Variants in SLMAP observed in about 807,000 individuals in gnomAD.
SLMAP encodes sarcolemma associated protein.
In SLMAP, 44 loss-of-function variants were observed where a neutral mutation model predicts 128.8. That is an observed-to-expected ratio of 0.34 (90% CI 0.27 to 0.44). SLMAP has a LOEUF of 0.44. Ranked by LOEUF, SLMAP falls within the 20% of genes least tolerant of loss-of-function variation. The probability of loss-of-function intolerance (pLI) is 1.00; values close to 1 mark genes in which losing one functional copy is unlikely to be tolerated. For missense variants in SLMAP, 787 were observed against 985.3 expected, an observed-to-expected ratio of 0.80 and a Z score of 2.69; for synonymous variants, 327 against 348.8, an observed-to-expected ratio of 0.94 and a Z score of 0.70.
At chr3:57,891,155 C>T (rs1183573024) in intron 15 of SLMAP, 3 of 151,352 alleles carry the variant, frequency 2.0e-5, no homozygotes, top group African/African-American at 7.3e-5. Flanking sequence ...CATCCAAATA[C>T]CTATTCAGAT....
intron 5 of SLMAP, 62 bp from the exon 6 acceptor site, chr3:57,849,689 AATT>A: frequency 1.2e-6 from 1 of 858,964 alleles, no homozygotes; most frequent in Non-Finnish European, 2.0e-6. Flanking sequence ...CATTTCAAGA[AATT>A]GGTTTGTCTT....
intron 14 of SLMAP, among the ~76,000 whole-genome samples, chr3:57,880,629 T>C (rs1262123251): frequency 1.3e-5 from 2 of 152,110 alleles, no homozygotes; most frequent in Non-Finnish European, 2.9e-5. Context: ...TGTAATCGTA[T>C]TACTTCAAGA....
intron 6 of SLMAP, 97 bp downstream of exon 6, chr3:57,849,913 C>A: frequency 2.7e-6 from 2 of 745,552 alleles, no homozygotes; most frequent in Middle Eastern, 3.6e-4. Flanking sequence ...GTGGCTAATG[C>A]CTGTAATCCC....
At chr3:57,860,956 T>G (rs1205660225) in intron 9 of SLMAP, 117 bp downstream of exon 9, 12 of 834,088 alleles carry the variant, frequency 1.4e-5, no homozygotes, top group Non-Finnish European at 2.1e-5. Flanking sequence ...ACTTTCTGTC[T>G]GTCAGGTGGG....
chr3:57,878,546 G>T (rs923701536), intron 14 of SLMAP, among the ~76,000 whole-genome samples: 5 of 152,140 alleles, frequency 3.3e-5, no homozygotes, highest in African/African-American at 1.2e-4. Context: ...CAGTATGATT[G>T]TGGACAATAC....
At chr3:57,841,977 T>C (rs1257024873) in intron 4 of SLMAP, among the ~76,000 whole-genome samples, 1 of 152,202 alleles carries the variant, frequency 6.6e-6, no homozygotes, top group African/African-American at 2.4e-5. Flanking sequence ...AGATTATTAT[T>C]ATGAAGTGTT....
rs199667138 is a variant in SLMAP at position 57,757,834 on chromosome 3, T to G, written c.183T>G (p.Asp61Glu). ...LSRNHALVWF[D>E]HKTGKFYLQD... ...GGAACCACGCTCTCGTCTGGTTTGATCACAAGACGGGCAAGGTAATGTCAC... is the reference window on the plus strand; with the variant it reads ...GGAACCACGCTCTCGTCTGGTTTGAGCACAAGACGGGCAAGGTAATGTCAC... Residue 61 changes from aspartate to glutamate, a missense_variant, in exon 2 of 25, where the codon GAT (aspartate) becomes GAG (glutamate). Physicochemically the swap from Asp to Glu is conservative, Grantham distance 45 (BLOSUM62 2). Around this residue, in one of 2 missense-constraint regions of SLMAP, gnomAD observed 72 missense variants for 141.8 expected, o/e 0.51. Transcript: ENST00000671191. 1.2e-6 allele frequency: 2 copies of G among 1,614,136 alleles called. No individual in the cohort carries two copies. The highest frequency in any genetic ancestry group is 1.7e-6 in the Non-Finnish European group (2 of 1,179,968).
intron 3 of SLMAP, among the ~76,000 whole-genome samples, chr3:57,840,445 C>A (rs1169035658): frequency 2.0e-5 from 3 of 152,148 alleles, no homozygotes; most frequent in Non-Finnish European, 2.9e-5. Flanking sequence ...ATAAATAATT[C>A]TTTGAACTCT....
rs760264345 is a variant in SLMAP, at chr3:57,757,693, G to T, written c.42G>T (p.Ser14=). The change falls in exon 2 of 25, where the codon TCG becomes TCT. Residue 14 remains serine, a synonymous_variant. Transcript: ENST00000671191. ...CCATCTTCACTTGCCGCCCGAACTC[G>T]CACCCGTTTCAGGAGCGTCATGTCT... ...ALAIFTCRPN[S]HPFQERHVYL... 2.2e-5 allele frequency: 35 copies of T among 1,613,952 alleles called. No individual in the cohort carries two copies. The South Asian group carries it at 3.8e-4, about 18-fold the overall frequency.
chr3:57,908,079 T>C lies in SLMAP; in HGVS notation c.1624+73T>C, dbSNP rs925043643. The C allele has an allele frequency of 6.2e-6, 9 of 1,452,968 alleles. No individual in the cohort carries two copies. The African/African-American group carries it at 1.1e-4, about 18-fold the overall frequency. The allele number at this position is 1,452,968 out of a possible 1,614,324, so 90.0% of individuals were successfully genotyped here. ...CAATATAATTGGGTGGCCCCAAACT[T>C]GGAGTCCGGAGGCATGTTCCAGATT... On this transcript the variant is annotated intron_variant, in intron 18 of 24. Transcript: ENST00000671191.
At chr3:57,917,294 C>T (rs1405616823) in intron 22 of SLMAP, 3 of 1,225,282 alleles carry the variant, frequency 2.4e-6, no homozygotes, top group African/African-American at 1.5e-5. Context: ...ATATAATATA[C>T]AAAACTACAT....
At chr3:57,861,891 T>C in intron 9 of SLMAP, 58 bp from the exon 10 acceptor site, 1 of 1,441,296 alleles carries the variant, frequency 6.9e-7, no homozygotes, top group Non-Finnish European at 9.6e-7. Flanking sequence ...TTAGAAGGAA[T>C]TCTAAATAAC....
chr3:57,872,256 C>T (rs150935378), intron 14 of SLMAP, among the ~76,000 whole-genome samples: 1,923 of 152,106 alleles, frequency 0.013, 28 homozygotes, highest in African/African-American at 0.044. Flanking sequence ...GAGCCGAGAT[C>T]GCACCATTGC....
chr3:57,854,068 T>TTC (rs1553881559), intron 6 of SLMAP, among the ~76,000 whole-genome samples: 1 of 124,116 alleles, frequency 8.1e-6, no homozygotes, highest in Non-Finnish European at 1.6e-5. Flanking sequence ...ATATAACACA[T>TTC]TATATATATA....
At chr3:57,880,946 C>T (rs1298164738) in intron 14 of SLMAP, among the ~76,000 whole-genome samples, 2 of 152,114 alleles carry the variant, frequency 1.3e-5, no homozygotes, top group East Asian at 1.9e-4. Context: ...AACCCCGGCA[C>T]TTTCGGAGGC....
intron 2 of SLMAP, among the ~76,000 whole-genome samples, chr3:57,779,731 A>T (rs2082634486): frequency 6.6e-6 from 1 of 152,024 alleles, no homozygotes. Flanking sequence ...TACTTCTGTG[A>T]TGCAGGCACT....
intron 22 of SLMAP, 139 bp downstream of exon 22, chr3:57,917,216 C>T: frequency 6.6e-7 from 1 of 1,523,116 alleles, no homozygotes; most frequent in South Asian, 1.3e-5. Context: ...AACATCTCTG[C>T]TTGGTGATTT....
At chr3:57,831,080 A>G (rs1389572301) in intron 2 of SLMAP, among the ~76,000 whole-genome samples, 1 of 152,148 alleles carries the variant, frequency 6.6e-6, no homozygotes, top group African/African-American at 2.4e-5. Context: ...TCTTGGATGT[A>G]TACCTAGGAG....
intron 13 of SLMAP, among the ~76,000 whole-genome samples, chr3:57,869,010 ATATAT>A (rs1405384237): frequency 5.8e-5 from 8 of 138,926 alleles, no homozygotes; most frequent in East Asian, 4.0e-4. Context: ...TATATATAAT[ATATAT>A]TATATGTGTA....
Sources: gnomAD v4.1 joint callset for allele counts (sites outside exome capture counted in the v4.1 genomes callset) on GRCh38, gnomAD v4.1.1 for gene constraint, gnomAD v4.1.1 regional missense constraint, MANE v1.5 for transcripts, NCBI Gene and HGNC (gene_info 2026-07-23, HGNC 2026-07-21) for gene names.